KIRREL3: variants seen among roughly 807,000 people sequenced by gnomAD.
The protein encoded by KIRREL3 is kirre like nephrin family adhesion molecule 3, also known as kin of IRRE-like protein 3.
Under a neutral mutation model 89.7 loss-of-function variants are expected in KIRREL3, and 36 were observed. The observed-to-expected ratio is 0.40, with a 90% CI of 0.31 to 0.53. The LOEUF (loss-of-function observed/expected upper bound fraction) is 0.53. Ranked by LOEUF, KIRREL3 falls within the 20% of genes least tolerant of loss-of-function variation. The probability of loss-of-function intolerance (pLI) is 0.49; values close to 1 mark genes in which losing one functional copy is unlikely to be tolerated. For missense variants in KIRREL3, 864 were observed against 1,056.6 expected (o/e 0.82, Z 2.53); for synonymous variants, 445 against 441.4 (o/e 1.01, Z -0.10).
rs532245977 is a variant in KIRREL3, at chr11:126,427,967, A to T, written c.1806+1212T>A. On this transcript the variant is annotated intron_variant, in intron 15 of 16. Coordinates refer to ENST00000525144, the MANE Select transcript of KIRREL3 (RefSeq NM_032531.4). The surrounding 1 kb of genome is among the most constrained non-coding windows in gnomAD (Gnocchi z 5.3). ...GACAGGACCTGAAAATCAATTGGAGAGAGAAAGCGTAGCCGAGGGAAAAGT... is the reference window on the plus strand; with the variant it reads ...GACAGGACCTGAAAATCAATTGGAGTGAGAAAGCGTAGCCGAGGGAAAAGT... 6.6e-6 allele frequency among the ~76,000 whole-genome samples: 1 copy of T among 152,290 alleles called. No individual in the cohort carries two copies. Among genetic ancestry groups the T allele is most frequent in the African/African-American group, 2.4e-5 (1 of 41,554 alleles).
At chr11:126,470,084 C>A (rs1956843341) in intron 5 of KIRREL3, among the ~76,000 whole-genome samples, 1 of 152,200 alleles carries the variant, frequency 6.6e-6, no homozygotes, top group Non-Finnish European at 1.5e-5. Context: ...CTCCGAGGGG[C>A]CTTCACAATG....
At position 126,424,673 on chromosome 11, in the gene KIRREL3, C is replaced by T; in HGVS notation, c.2244G>A (p.Lys748=). 6.2e-7 allele frequency: 1 copy of T among 1,614,018 alleles called. No individual in the cohort carries two copies. Among genetic ancestry groups the T allele is most frequent in the Non-Finnish European group, 8.5e-7 (1 of 1,179,892 alleles). The change falls in exon 17 of 17, where the codon AAG becomes AAA. Residue 748 remains lysine (K), a synonymous_variant. Coordinates refer to ENST00000525144, the MANE Select transcript of KIRREL3 (RefSeq NM_032531.4). ...DGYVQFDKAS[K]ASASSSHHSQ... The stretch of plus-strand genomic sequence containing the variant: ...AGTGGTGGGAGGAGGAAGCAGAAGC[C>T]TTGCTGGCCTTGTCGAACTGCACAT...
chr11:126,708,091 C>T lies in KIRREL3; in HGVS notation c.56-145179G>A, dbSNP rs779522618. On this transcript the variant is annotated intron_variant, in intron 1 of 16. Transcript: ENST00000525144. The surrounding 1 kb of genome is among the most constrained non-coding windows in gnomAD (Gnocchi z 5.7). ...CATAGGTCCCAGGGTATCCGTGCCCCGTTTGATCAGAAAGAAACACACCCA... is the reference window on the plus strand; with the variant it reads ...CATAGGTCCCAGGGTATCCGTGCCCTGTTTGATCAGAAAGAAACACACCCA... 4.6e-5 allele frequency among the ~76,000 whole-genome samples: 7 copies of T among 152,138 alleles called. No homozygotes were observed. The highest frequency in any genetic ancestry group is 9.7e-5 in the African/African-American group (4 of 41,416).
chr11:126,977,578 C>G lies in KIRREL3; in HGVS notation c.55+22877G>C, dbSNP rs545929979. Among the ~76,000 whole-genome samples, 9 of 152,314 alleles carry G rather than the reference C, an allele frequency of 5.9e-5. No homozygotes were observed. The South Asian group carries it at 1.9e-3, about 32-fold the overall frequency. On this transcript the variant is annotated intron_variant, in intron 1 of 16. Transcript: ENST00000525144. This position sits in a 1 kb window ranked among gnomAD's most constrained non-coding sequence, Gnocchi z 4.7. The stretch of plus-strand genomic sequence containing the variant: ...TCTTTCAACAAGCATTTATTGAATG[C>G]CTACTATGCACCTGTCTATTTCATC...
chr11:126,462,440 G>A lies in KIRREL3; in HGVS notation c.742+717C>T, dbSNP rs540659668. ...AGCACTTTAGGAGGCCAAGGCGGGC[G>A]GAACACTTGAGGTCAGGAGTTTGAG... On this transcript the variant is annotated intron_variant, in intron 6 of 16. Coordinates refer to ENST00000525144, the MANE Select transcript of KIRREL3 (RefSeq NM_032531.4). The surrounding 1 kb of genome is among the most constrained non-coding windows in gnomAD (Gnocchi z 4.8). Among the ~76,000 whole-genome samples the A allele has an allele frequency of 7.9e-5, 12 of 152,246 alleles. No homozygotes were observed. The highest frequency in any genetic ancestry group is 4.2e-4 in the South Asian group (2 of 4,818).
In KIRREL3 at chr11:126,641,014, G is replaced by T. The variant is rs1429590543; in HGVS notation, c.56-78102C>A. Reference sequence around the variant, plus strand: ...CCCCTCCACTTGCAATGTGTAACAGGCATCTCAAATTTCACATGCTCCGAA... The same window carrying T: ...CCCCTCCACTTGCAATGTGTAACAGTCATCTCAAATTTCACATGCTCCGAA... On this transcript the variant is annotated intron_variant, in intron 1 of 16. Transcript: ENST00000525144. The surrounding 1 kb of genome is among the most constrained non-coding windows in gnomAD (Gnocchi z 5.0). Among the ~76,000 whole-genome samples, 1 of 152,030 alleles carries T rather than the reference G, an allele frequency of 6.6e-6. No homozygotes were observed. The highest frequency in any genetic ancestry group is 1.5e-5 in the Non-Finnish European group (1 of 68,010).
chr11:126,608,095 C>A lies in KIRREL3; in HGVS notation c.56-45183G>T. Among the ~76,000 whole-genome samples the A allele has an allele frequency of 6.6e-6, 1 of 152,202 alleles. No homozygotes were observed. The highest frequency in any genetic ancestry group is 1.5e-5 in the Non-Finnish European group (1 of 68,030). ...TGCTCCATCCTCACCCTTTAGACCA[C>A]CCCACAGGTGGGACAGGGTGGGCCC... On this transcript the variant is annotated intron_variant, in intron 1 of 16. Transcript: ENST00000525144. This position sits in a 1 kb window ranked among gnomAD's most constrained non-coding sequence, Gnocchi z 4.9.
intron 1 of KIRREL3, among the ~76,000 whole-genome samples, chr11:126,960,035 A>G (rs183297417): frequency 3.3e-5 from 5 of 152,284 alleles, no homozygotes; most frequent in Admixed American, 3.3e-4. Flanking sequence ...GTACTTAGCC[A>G]ATATTAGATA....
intron 7 of KIRREL3, among the ~76,000 whole-genome samples, chr11:126,451,659 T>C (rs1422861585): frequency 1.3e-5 from 2 of 151,542 alleles, no homozygotes; most frequent in Admixed American, 6.6e-5. Context: ...GGCGTGTGCA[T>C]GTGTGAGTGT....
At chr11:126,554,677 T>C (rs1045986566) in intron 2 of KIRREL3, among the ~76,000 whole-genome samples, 3 of 152,172 alleles carry the variant, frequency 2.0e-5, no homozygotes, top group African/African-American at 7.2e-5. Context: ...CAGAGCCAAC[T>C]GACTGGTAGG....
At chr11:126,634,055 G>A (rs1373676486) in intron 1 of KIRREL3, among the ~76,000 whole-genome samples, 1 of 152,196 alleles carries the variant, frequency 6.6e-6, no homozygotes, top group East Asian at 1.9e-4. Flanking sequence ...TGGGGGTCAG[G>A]TGTGGTAATC....
intron 1 of KIRREL3, among the ~76,000 whole-genome samples, chr11:126,599,705 C>T (rs1441997211): frequency 1.3e-5 from 2 of 152,196 alleles, no homozygotes; most frequent in Non-Finnish European, 2.9e-5. Context: ...TCAGGCTTCT[C>T]CAGAAACTCC....
chr11:126,688,562 G>A (rs917951903), intron 1 of KIRREL3, among the ~76,000 whole-genome samples: 1 of 152,140 alleles, frequency 6.6e-6, no homozygotes, highest in East Asian at 1.9e-4. Flanking sequence ...GAGAGAGTTA[G>A]CCTCAGCTTT....
In KIRREL3 at chr11:126,807,756, G is replaced by C. The variant is rs1049023630; in HGVS notation, c.55+192699C>G. Among the ~76,000 whole-genome samples, 1 of 152,196 alleles carries C rather than the reference G, an allele frequency of 6.6e-6. No homozygotes were observed. Among genetic ancestry groups the C allele is most frequent in the Non-Finnish European group, 1.5e-5 (1 of 68,038 alleles). On this transcript the variant is annotated intron_variant, in intron 1 of 16. Coordinates refer to ENST00000525144, the MANE Select transcript of KIRREL3 (RefSeq NM_032531.4). This position sits in a 1 kb window ranked among gnomAD's most constrained non-coding sequence, Gnocchi z 4.3. ...GATTCTTCTACATGTCTACTCTGAT[G>C]TGGTTGGAGAGTCCTTTAATGGGTG... is the stretch of plus-strand genomic sequence containing the variant.
intron 1 of KIRREL3, among the ~76,000 whole-genome samples, chr11:126,921,511 A>C (rs571993598): frequency 6.8e-6 from 1 of 147,436 alleles, no homozygotes; most frequent in South Asian, 2.2e-4. Flanking sequence ...TCTATCTGTA[A>C]TCTATCTATC....
intron 4 of KIRREL3, among the ~76,000 whole-genome samples, chr11:126,500,866 G>A (rs1957835058): frequency 6.6e-6 from 1 of 152,152 alleles, no homozygotes; most frequent in Admixed American, 6.5e-5. Flanking sequence ...GACTAAGTGG[G>A]GAAATGCCAC....
In KIRREL3 at chr11:126,508,894, T is replaced by TGGTG. The variant is rs1958111927; in HGVS notation, c.433+12420_433+12421insCACC. Among the ~76,000 whole-genome samples, 1 of 152,098 alleles carries TGGTG rather than the reference T, an allele frequency of 6.6e-6. No homozygotes were observed. The highest frequency in any genetic ancestry group is 2.4e-5 in the African/African-American group (1 of 41,430). ...GTCATAGAGTGGCAGCTCACCAGCG[T>TGGTG]CACCCTTGCCCTTCTCTCTTCTCTC... On this transcript the variant is annotated intron_variant, in intron 4 of 16. Coordinates refer to ENST00000525144, the MANE Select transcript of KIRREL3 (RefSeq NM_032531.4). The surrounding 1 kb of genome is among the most constrained non-coding windows in gnomAD (Gnocchi z 4.9).
Position 126,766,734 on chromosome 11 carries a change from G to A in KIRREL3, c.56-203822C>T, listed in dbSNP as rs1001275856. On this transcript the variant is annotated intron_variant, in intron 1 of 16. Coordinates refer to ENST00000525144, the MANE Select transcript of KIRREL3 (RefSeq NM_032531.4). This position sits in a 1 kb window ranked among gnomAD's most constrained non-coding sequence, Gnocchi z 4.2. ...TTTTCTGCCTTGGCCTGGGGGAGGC[G>A]GGTGTTGTAAAACTTAATGATCATC... Among the ~76,000 whole-genome samples, 8 of 152,266 alleles carry A rather than the reference G, an allele frequency of 5.3e-5. No homozygotes were observed. The highest frequency in any genetic ancestry group is 2.1e-4 in the South Asian group (1 of 4,822).
intron 1 of KIRREL3, among the ~76,000 whole-genome samples, chr11:126,713,214 T>A (rs975643760): frequency 6.6e-6 from 1 of 152,110 alleles, no homozygotes; most frequent in Admixed American, 6.6e-5. Flanking sequence ...GATGCTGGGA[T>A]GTGCAGAAAG....
Sources: allele counts gnomAD v4.1 joint callset (sites outside exome capture counted in the v4.1 genomes callset), GRCh38; gene constraint gnomAD v4.1.1; non-coding constraint Gnocchi (gnomAD v3.1); transcripts MANE v1.5; gene names NCBI Gene and HGNC (gene_info 2026-07-23, HGNC 2026-07-21).